The following PCDH15 variants were observed in gnomAD, a reference collection of about 807,000 sequenced individuals.
PCDH15 encodes protocadherin-15.
PCDH15 carries 129 observed loss-of-function variants against 178.5 expected under a neutral mutation model. The ratio of observed to expected loss-of-function variants is 0.72; its 90% CI spans 0.63 to 0.84. The LOEUF is 0.84. PCDH15 is among the 40% of genes least tolerant of loss of function. The pLI is 0.00. For synonymous variants in PCDH15, 800 were observed against 732.0 expected (o/e 1.09, Z -1.50); for missense variants, 2,230 against 2,099.9 (o/e 1.06, Z -1.21).
chr10:53,980,027 T>C (rs1000264706), intron 21 of PCDH15, among the ~76,000 whole-genome samples: 5 of 152,146 alleles, frequency 3.3e-5, no homozygotes, highest in African/African-American at 1.2e-4. Flanking sequence ...GTGACCAGCC[T>C]GGCCAACATG....
At chr10:54,478,321 T>C (rs907569928) in intron 3 of PCDH15, among the ~76,000 whole-genome samples, 2 of 151,976 alleles carry the variant, frequency 1.3e-5, no homozygotes, top group African/African-American at 4.8e-5. Flanking sequence ...AGAGAAAAAG[T>C]TTACTAAAAC....
intron 2 of PCDH15, among the ~76,000 whole-genome samples, chr10:55,582,592 ATGTG>A (rs1190225607): frequency 2.2e-4 from 21 of 94,408 alleles, no homozygotes; most frequent in African/African-American, 8.8e-4. Flanking sequence ...CTGTATGTGT[ATGTG>A]TATATATATA....
intron 1 of PCDH15, among the ~76,000 whole-genome samples, chr10:54,668,302 A>T (rs1055524964): frequency 6.6e-6 from 1 of 152,158 alleles, no homozygotes; most frequent in African/African-American, 2.4e-5. Context: ...GTTAAAATGT[A>T]ATAAGTGACA....
At chr10:55,457,683 C>T (rs1244837674) in intron 2 of PCDH15, among the ~76,000 whole-genome samples, 2 of 151,952 alleles carry the variant, frequency 1.3e-5, no homozygotes, top group Non-Finnish European at 2.9e-5. Context: ...CCTGAGGGCC[C>T]GACGGCTTCC....
intron 20 of PCDH15, among the ~76,000 whole-genome samples, chr10:54,005,290 C>A (rs2135074950): frequency 6.6e-6 from 1 of 152,082 alleles, no homozygotes; most frequent in Admixed American, 6.6e-5. Context: ...GCACAGGCAA[C>A]CAAAGAAAAA....
At chr10:54,062,764 G>A (rs1021699759) in intron 18 of PCDH15, among the ~76,000 whole-genome samples, 1 of 89,066 alleles carries the variant, frequency 1.1e-5, no homozygotes, top group Admixed American at 1.2e-4. Context: ...GAATCACTAG[G>A]AAAAGCGGGA....
chr10:55,299,627 A>T (rs920760432), intron 1 of PCDH15, among the ~76,000 whole-genome samples: 10 of 152,262 alleles, frequency 6.6e-5, no homozygotes, highest in African/African-American at 2.4e-4. Flanking sequence ...ATACTTTTAC[A>T]GTTTCAACTC....
intron 2 of PCDH15, among the ~76,000 whole-genome samples, chr10:55,098,218 A>C (rs1842488766): frequency 6.6e-6 from 1 of 152,198 alleles, no homozygotes. Flanking sequence ...TCTCATTTCC[A>C]GACGAGGAAA....
At chr10:54,231,749 G>T (rs374630571) in intron 9 of PCDH15, among the ~76,000 whole-genome samples, 72 of 152,294 alleles carry the variant, frequency 4.7e-4, no homozygotes, top group South Asian at 3.9e-3. Context: ...GAGACATGAA[G>T]TCAAAGGAGA....
chr10:55,066,496 AT>A (rs1414997118), intron 2 of PCDH15, among the ~76,000 whole-genome samples: 1 of 149,696 alleles, frequency 6.7e-6, no homozygotes, highest in Non-Finnish European at 1.5e-5. Flanking sequence ...TCTCAAAACT[AT>A]TTTTTTAAGT....
intron 2 of PCDH15, among the ~76,000 whole-genome samples, chr10:54,644,499 TTC>T (rs1188402334): frequency 1.3e-5 from 2 of 151,998 alleles, no homozygotes; most frequent in Non-Finnish European, 2.9e-5. Flanking sequence ...AGAGTATTTA[TTC>T]TTAGTTGACT....
intron 3 of PCDH15, among the ~76,000 whole-genome samples, chr10:54,457,249 C>T (rs901115827): frequency 3.9e-5 from 6 of 152,054 alleles, no homozygotes; most frequent in Non-Finnish European, 8.8e-5. Flanking sequence ...GACAAAAAAA[C>T]GAGCTATCAA....
chr10:54,527,615 G>A (rs918968951), intron 3 of PCDH15, among the ~76,000 whole-genome samples, 197 bp downstream of exon 3: 4 of 152,058 alleles, frequency 2.6e-5, no homozygotes, highest in Admixed American at 2.0e-4. Flanking sequence ...TTAATTGAAT[G>A]AGACTTTTAT....
chr10:53,924,894 A>G (rs2133916884), intron 25 of PCDH15, among the ~76,000 whole-genome samples: 1 of 152,292 alleles, frequency 6.6e-6, no homozygotes, highest in South Asian at 2.1e-4. Context: ...AAGGTTTGTA[A>G]ATGCACCAAT....
chr10:54,888,855 A>G (rs1954409300), intron 3 of PCDH15, among the ~76,000 whole-genome samples: 1 of 148,698 alleles, frequency 6.7e-6, no homozygotes, highest in Non-Finnish European at 1.5e-5. Context: ...GCTAAATGAT[A>G]TATGTCTTTT....
intron 10 of PCDH15, among the ~76,000 whole-genome samples, chr10:54,208,694 G>A (rs981637328): frequency 2.0e-5 from 3 of 151,872 alleles, no homozygotes; most frequent in East Asian, 1.9e-4. Flanking sequence ...CTTTGTTAGA[G>A]TGGCCTGAAC....
At chr10:54,128,982 G>A (rs1422901601) in intron 15 of PCDH15, among the ~76,000 whole-genome samples, 1 of 152,026 alleles carries the variant, frequency 6.6e-6, no homozygotes, top group Non-Finnish European at 1.5e-5. Context: ...AAATATAATA[G>A]TTCTCTACAG....
chr10:55,599,915 T>C (rs866616480), intron 2 of PCDH15: 1 of 1,526,568 alleles, frequency 6.6e-7, no homozygotes, highest in African/African-American at 1.4e-5. Context: ...CACACCAGGG[T>C]TTAGCTGTCT....
chr10:55,463,679 T>C (rs1839727560), intron 2 of PCDH15, among the ~76,000 whole-genome samples: 1 of 151,882 alleles, frequency 6.6e-6, no homozygotes, highest in African/African-American at 2.4e-5. Context: ...CTACTAAATG[T>C]ATTGTACTTA....
Sources: gnomAD v4.1 joint callset for allele counts (sites outside exome capture counted in the v4.1 genomes callset) on GRCh38, gnomAD v4.1.1 for gene constraint, MANE v1.5 for transcripts, NCBI Gene and HGNC (gene_info 2026-07-23, HGNC 2026-07-21) for gene names.